The following ZDHHC11B variants were observed in gnomAD, a reference collection of about 807,000 sequenced individuals.
ZDHHC11B encodes zDHHC palmitoyltransferase 11B (putative).
In ZDHHC11B, 17 loss-of-function variants were observed where a neutral mutation model predicts 42.3. The observed-to-expected ratio is 0.40, with a 90% CI of 0.27 to 0.60. The LOEUF is 0.60. ZDHHC11B is among the 20% of genes least tolerant of loss of function. The probability of loss-of-function intolerance (pLI) is 0.41; values close to 1 mark genes in which losing one functional copy is unlikely to be tolerated. For missense variants in ZDHHC11B, 262 were observed against 463.2 expected, an observed-to-expected ratio of 0.57 and a Z score of 3.99; for synonymous variants, 123 against 193.5, an observed-to-expected ratio of 0.64 and a Z score of 3.02.
intron 11 of ZDHHC11B, among the ~76,000 whole-genome samples, chr5:732,858 G>C (rs73015702): frequency 2.0e-5 from 3 of 151,590 alleles, no homozygotes; most frequent in African/African-American, 7.3e-5. Context: ...AACAAGCCTG[G>C]ACAAGAGAGT....
Position 750,575 on chromosome 5 carries a change from C to A in ZDHHC11B, c.628+558G>T, listed in dbSNP as rs536555454. The stretch of plus-strand genomic sequence containing the variant: ...CCCGAGGATGCTGGCATCACGGGAT[C>A]TGGGTTAGGCGTGGACTCGCCTCTG... On this transcript the variant is annotated intron_variant, in intron 7 of 13. Coordinates refer to ENST00000508859, the MANE Select transcript of ZDHHC11B (RefSeq NM_001351303.2). 4.0e-3 allele frequency among the ~76,000 whole-genome samples: 528 copies of A among 130,682 alleles called. 17 individuals carry two copies. Among genetic ancestry groups the A allele is most frequent in the Admixed American group, 5.4e-3 (62 of 11,484 alleles). 85.7% of individuals were successfully genotyped at this position (130,682 alleles called of 152,430 possible). A position where few individuals can be genotyped will look rare whatever the true frequency, so the allele number is the denominator to read the frequency against.
intron 1 of ZDHHC11B, among the ~76,000 whole-genome samples, chr5:770,307 C>A (rs1288888020): frequency 6.7e-6 from 1 of 149,996 alleles, no homozygotes; most frequent in African/African-American, 2.4e-5. Context: ...CACGCATGTC[C>A]AGCCCCGGGC....
chr5:733,217 C>G (rs410668), intron 11 of ZDHHC11B, among the ~76,000 whole-genome samples: 15,868 of 125,794 alleles, frequency 0.13, 1,790 homozygotes, highest in South Asian at 0.23. Context: ...ACATATACAA[C>G]TGACCACACA....
chr5:771,460 TCATGGGGGCAGGACCG>T (rs1214151232), intron 1 of ZDHHC11B, among the ~76,000 whole-genome samples: 1 of 134,754 alleles, frequency 7.4e-6, no homozygotes, highest in Non-Finnish European at 1.6e-5. Flanking sequence ...GGGCAGGGTC[TCATGGGGGCAGGACCG>T]CGTGGGGGCA....
rs641078 is a variant in ZDHHC11B, at chr5:730,932, T to A, written c.1024-464A>T. 2.1e-5 allele frequency among the ~76,000 whole-genome samples: 3 copies of A among 145,498 alleles called. No homozygotes were observed. In the South Asian group the frequency reaches 6.6e-4, roughly 32 times the overall value. On this transcript the variant is annotated intron_variant, in intron 11 of 13. Coordinates refer to ENST00000508859, the MANE Select transcript of ZDHHC11B (RefSeq NM_001351303.2). ...TGGGAGAAACCAACCCTGCAGACAC[T>A]GTGCTCTGGGACTTCCAGCCTGCAG...
chr5:759,819 T>C (rs1734354517), intron 4 of ZDHHC11B, among the ~76,000 whole-genome samples: 1 of 151,854 alleles, frequency 6.6e-6, no homozygotes, highest in African/African-American at 2.4e-5. Context: ...CCACTGGGCC[T>C]GGGAGGTCAC....
chr5:757,847 G>C (rs1411208488), intron 4 of ZDHHC11B, among the ~76,000 whole-genome samples: 1 of 151,862 alleles, frequency 6.6e-6, no homozygotes, highest in Admixed American at 6.6e-5. Context: ...GCTAGGCAGT[G>C]CAGCAACGGG....
chr5:780,429 C>G (rs1225619406), intron 1 of ZDHHC11B, among the ~76,000 whole-genome samples: 1 of 151,318 alleles, frequency 6.6e-6, no homozygotes, highest in East Asian at 1.9e-4. Flanking sequence ...CCTGGGGCTC[C>G]TCGACGCAGT....
At chr5:758,242 G>T (rs1186128125) in intron 4 of ZDHHC11B, among the ~76,000 whole-genome samples, 1 of 151,938 alleles carries the variant, frequency 6.6e-6, no homozygotes, top group Non-Finnish European at 1.5e-5. Context: ...CCCAGGGGAA[G>T]CCCCTTCCTC....
At chr5:754,428 A>C (rs1468096898) in intron 6 of ZDHHC11B, among the ~76,000 whole-genome samples, 42 of 130,492 alleles carry the variant, frequency 3.2e-4, no homozygotes, top group South Asian at 6.6e-4. Context: ...CTCGCCTGTG[A>C]GCCTCCACCA....
At chr5:752,346 C>T (rs1449302981) in intron 6 of ZDHHC11B, among the ~76,000 whole-genome samples, 2 of 97,372 alleles carry the variant, frequency 2.1e-5, no homozygotes, top group South Asian at 4.7e-4. Context: ...ATGCTGTAGA[C>T]CTGAGACCAA....
Position 771,584 on chromosome 5 carries a change from T to C in ZDHHC11B, c.-229-2654A>G, listed in dbSNP as rs1313505131. Among the ~76,000 whole-genome samples the C allele has an allele frequency of 4.9e-4, 74 of 151,612 alleles. 1 individual carries two copies. Among genetic ancestry groups the C allele is most frequent in the African/African-American group, 1.8e-3 (74 of 41,332 alleles). The stretch of plus-strand genomic sequence containing the variant: ...GGGTCAGGTGTCGAGCCAGGAACCG[T>C]TTCCAGTTTTATCGCTGACAACATT... On this transcript the variant is annotated intron_variant, in intron 1 of 13. Coordinates refer to ENST00000508859, the MANE Select transcript of ZDHHC11B (RefSeq NM_001351303.2).
chr5:774,147 C>G (rs1415376395), intron 1 of ZDHHC11B, among the ~76,000 whole-genome samples: 4 of 152,076 alleles, frequency 2.6e-5, no homozygotes, highest in African/African-American at 9.7e-5. Context: ...CAGGCTGTTC[C>G]TGTTCCCAAG....
intron 1 of ZDHHC11B, among the ~76,000 whole-genome samples, chr5:776,193 T>C (rs7708950): frequency 0.2 from 27,981 of 141,712 alleles, 2,548 homozygotes; most frequent in African/African-American, 0.46. Context: ...TAGGAAACCC[T>C]AGGGCCAGAC....
intron 10 of ZDHHC11B, among the ~76,000 whole-genome samples, chr5:737,089 G>T (rs1743611546): frequency 6.7e-6 from 1 of 149,560 alleles, no homozygotes; most frequent in African/African-American, 2.5e-5. Context: ...AGCAAAAAAA[G>T]AAAAGATCCA....
chr5:722,365 C>T (rs1316252192), intron 12 of ZDHHC11B, among the ~76,000 whole-genome samples: 3 of 151,514 alleles, frequency 2.0e-5, no homozygotes, highest in African/African-American at 4.9e-5. Context: ...AAGAAAAGCA[C>T]AAAGAGTCCA....
chr5:729,292 T>C (rs1215692433), intron 12 of ZDHHC11B, among the ~76,000 whole-genome samples: 1 of 151,200 alleles, frequency 6.6e-6, no homozygotes, highest in East Asian at 1.9e-4. Flanking sequence ...GGTTTGGCCA[T>C]CTGGCCCCCC....
intron 4 of ZDHHC11B, among the ~76,000 whole-genome samples, chr5:764,221 GCTGGCAGCC>G (rs1288582424): frequency 6.6e-6 from 1 of 151,990 alleles, no homozygotes; most frequent in Non-Finnish European, 1.5e-5. Context: ...GTGACAGCAC[GCTGGCAGCC>G]CTGGCAGCCC....
intron 6 of ZDHHC11B, among the ~76,000 whole-genome samples, chr5:754,368 G>T (rs1237186692): frequency 0.015 from 343 of 23,514 alleles, 43 homozygotes; most frequent in African/African-American, 0.053. Flanking sequence ...CCGTGATCAG[G>T]GGAAACACCT....
Sources: gnomAD v4.1 joint callset for allele counts (sites outside exome capture counted in the v4.1 genomes callset) on GRCh38, gnomAD v4.1.1 for gene constraint, MANE v1.5 for transcripts, NCBI Gene and HGNC (gene_info 2026-07-23, HGNC 2026-07-21) for gene names.